Variants in CACNA1B observed in about 807,000 individuals in gnomAD.
The protein encoded by CACNA1B is voltage-dependent N-type calcium channel subunit alpha-1B.
In CACNA1B, 70 loss-of-function variants were observed where a neutral mutation model predicts 247.2. That is an observed-to-expected ratio of 0.28 (90% CI 0.23 to 0.35). The LOEUF is 0.35. Ranked by LOEUF, CACNA1B falls within the 10% of genes least tolerant of loss-of-function variation. The pLI, the probability that CACNA1B is intolerant of heterozygous loss-of-function variation, is 1.00. For synonymous variants in CACNA1B, 1,231 were observed against 1,294.4 expected (o/e 0.95, Z 1.05); for missense variants, 2,367 against 3,197.4 (o/e 0.74, Z 6.26).
chr9:138,022,334 C>T lies in CACNA1B; in HGVS notation c.2268-677C>T, dbSNP rs1300269833. 5.3e-5 allele frequency among the ~76,000 whole-genome samples: 8 copies of T among 152,172 alleles called. No individual in the cohort carries two copies. In the South Asian group the frequency reaches 1.5e-3, roughly 28 times the overall value. On this transcript the variant is annotated intron_variant, in intron 18 of 46. Coordinates refer to ENST00000371372, the MANE Select transcript of CACNA1B (RefSeq NM_000718.4). ...TGGTCACTGAGCCAGGGGGCAGCTG[C>T]GGGGCTGCGGCTGACCACCTCGGGG...
intron 15 of CACNA1B, among the ~76,000 whole-genome samples, chr9:137,995,676 TATA>T (rs1358174443): frequency 6.6e-6 from 1 of 152,076 alleles, no homozygotes; most frequent in Non-Finnish European, 1.5e-5. Context: ...CAAAGATAAA[TATA>T]TGAGACTTAA....
chr9:137,994,386 C>T (rs1329741902), intron 15 of CACNA1B, among the ~76,000 whole-genome samples: 3 of 152,158 alleles, frequency 2.0e-5, no homozygotes, highest in South Asian at 2.1e-4. Flanking sequence ...GCATCCAAAT[C>T]GGTAAAGAGG....
chr9:137,892,343 G>A (rs767849870), intron 3 of CACNA1B: 14 of 456,638 alleles, frequency 3.1e-5, no homozygotes, highest in African/African-American at 1.2e-4. Context: ...TGTGGTGGGC[G>A]GTGCTGATCC....
intron 3 of CACNA1B, among the ~76,000 whole-genome samples, chr9:137,910,821 C>T (rs934641272): frequency 6.6e-6 from 1 of 152,188 alleles, no homozygotes; most frequent in Non-Finnish European, 1.5e-5. Flanking sequence ...GGCCACAGAA[C>T]AGTACTGGTC....
intron 36 of CACNA1B, among the ~76,000 whole-genome samples, chr9:138,081,727 A>C (rs532776754): frequency 6.6e-6 from 1 of 151,330 alleles, no homozygotes; most frequent in South Asian, 2.1e-4. Context: ...GGAGGTCTAG[A>C]GATGTTAAAT....
intron 12 of CACNA1B, among the ~76,000 whole-genome samples, chr9:137,977,453 A>G (rs1391599459): frequency 7.8e-6 from 1 of 127,998 alleles, no homozygotes; most frequent in Admixed American, 7.7e-5. Context: ...AGGGCAGGGC[A>G]GGGCAGTCTG....
At chr9:138,031,959 T>C (rs1320375521) in intron 20 of CACNA1B, among the ~76,000 whole-genome samples, 1 of 152,198 alleles carries the variant, frequency 6.6e-6, no homozygotes, top group African/African-American at 2.4e-5. Context: ...AATTCTGTCT[T>C]TTATTTTGCA....
chr9:138,096,021 G>A (rs949672175), intron 36 of CACNA1B, among the ~76,000 whole-genome samples: 1 of 152,198 alleles, frequency 6.6e-6, no homozygotes, highest in East Asian at 1.9e-4. Context: ...GTTTTGAAAC[G>A]AGAGAGATGG....
At chr9:138,017,180 C>G (rs775834578) in intron 18 of CACNA1B, 1 of 519,100 alleles carries the variant, frequency 1.9e-6, no homozygotes, top group South Asian at 1.4e-5. Context: ...CGCAGCTCAT[C>G]TGTCTCCAGC....
chr9:137,976,258 C>T (rs545995855), intron 12 of CACNA1B, among the ~76,000 whole-genome samples: 10 of 152,378 alleles, frequency 6.6e-5, no homozygotes, highest in South Asian at 2.1e-4. Flanking sequence ...ACCCTTCCCT[C>T]TTCTGATCCT....
chr9:138,097,237 G>A (rs572506263), intron 37 of CACNA1B, among the ~76,000 whole-genome samples: 4 of 152,186 alleles, frequency 2.6e-5, no homozygotes, highest in Admixed American at 6.5e-5. Context: ...ATCTGTCATC[G>A]TGGGAAAGGT....
chr9:138,115,269 CTG>C (rs763601382), intron 41 of CACNA1B, among the ~76,000 whole-genome samples: 1 of 152,174 alleles, frequency 6.6e-6, no homozygotes, highest in Non-Finnish European at 1.5e-5. Context: ...GACAGGGAAA[CTG>C]AGGTTTTGAG....
chr9:138,078,807 G>A (rs1960416418), intron 36 of CACNA1B, among the ~76,000 whole-genome samples: 1 of 152,186 alleles, frequency 6.6e-6, no homozygotes, highest in Non-Finnish European at 1.5e-5. Context: ...AGGGAGTGAG[G>A]TGGGATTAGG....
chr9:137,913,384 AC>A lies in CACNA1B; in HGVS notation c.622+114del, dbSNP rs2133277687. 1 of 769,108 alleles carries A rather than the reference AC, an allele frequency of 1.3e-6. No homozygotes were observed. The highest frequency in any genetic ancestry group is 1.7e-5 in the African/African-American group (1 of 57,366). 47.6% of individuals were successfully genotyped at this position (769,108 alleles called of 1,614,324 possible). ...TGGCTTTGGTGACTCTGAGCTTGCCACTTTTGACCCCAGGGAACCAGGCAGG... is the reference window on the plus strand; with the variant it reads ...TGGCTTTGGTGACTCTGAGCTTGCCATTTTGACCCCAGGGAACCAGGCAGG... On this transcript the variant is annotated intron_variant, in intron 4 of 46. Transcript: ENST00000371372. The surrounding 1 kb of genome is among the most constrained non-coding windows in gnomAD (Gnocchi z 5.2).
chr9:137,958,030 G>A lies in CACNA1B; in HGVS notation c.1333+343G>A, dbSNP rs548791802. 2.1e-3 allele frequency among the ~76,000 whole-genome samples: 313 copies of A among 152,240 alleles called. 1 individual carries two copies. Among genetic ancestry groups the A allele is most frequent in the Non-Finnish European group, 3.9e-3 (266 of 68,030 alleles). ...TTAATTTATCCAACAGAGCTGTGTC[G>A]GTTCCCTTCCTCTCTATCTGGTACC... On this transcript the variant is annotated intron_variant, in intron 10 of 46. Transcript: ENST00000371372.
chr9:138,010,804 T>C lies in CACNA1B; in HGVS notation c.2160+727T>C, dbSNP rs1958714416. The stretch of plus-strand genomic sequence containing the variant: ...GCATGCACCTGTGCATGTCTAGGGG[T>C]CTGACACAGTTCTGTCACTCCAGTC... On this transcript the variant is annotated intron_variant, in intron 17 of 46. Coordinates refer to ENST00000371372, the MANE Select transcript of CACNA1B (RefSeq NM_000718.4). The surrounding 1 kb of genome is among the most constrained non-coding windows in gnomAD (Gnocchi z 5.3). Among the ~76,000 whole-genome samples, 1 of 152,280 alleles carries C rather than the reference T, an allele frequency of 6.6e-6. No homozygotes were observed. The highest frequency in any genetic ancestry group is 2.1e-4 in the South Asian group (1 of 4,822).
rs141124146 is a variant in CACNA1B, at chr9:137,968,149, G to A, written c.1334-3234G>A. Among the ~76,000 whole-genome samples the A allele has an allele frequency of 7.2e-3, 1,099 of 152,270 alleles. 11 individuals are homozygous for A. Among genetic ancestry groups the A allele is most frequent in the African/African-American group, 0.025 (1,054 of 41,544 alleles). On this transcript the variant is annotated intron_variant, in intron 10 of 46. Transcript: ENST00000371372. ...TCCTTCTGGGTACCCAGCAGACACC[G>A]AGGATTCACTTACATTCAGGACCCA...
chr9:137,892,677 G>A lies in CACNA1B; in HGVS notation c.530+9794G>A, dbSNP rs184525827. 5.0e-4 allele frequency: 163 copies of A among 325,640 alleles called. 1 individual carries two copies. The highest frequency in any genetic ancestry group is 9.1e-4 in the Admixed American group (21 of 23,000). The allele number at this position is 325,640 out of a possible 1,614,324, so 20.2% of individuals were successfully genotyped here. A position where few individuals can be genotyped will look rare whatever the true frequency, so the allele number is the denominator to read the frequency against. On this transcript the variant is annotated intron_variant, in intron 3 of 46. Coordinates refer to ENST00000371372, the MANE Select transcript of CACNA1B (RefSeq NM_000718.4). ...GTCCCCCAGCACAGGGCAGCCTCCCGTCCAAGGGTGGGGGCTCCTGAGCAC... is the reference window on the plus strand; with the variant it reads ...GTCCCCCAGCACAGGGCAGCCTCCCATCCAAGGGTGGGGGCTCCTGAGCAC...
intron 12 of CACNA1B, among the ~76,000 whole-genome samples, chr9:137,981,840 A>G (rs1480577064): frequency 6.6e-6 from 1 of 152,212 alleles, no homozygotes; most frequent in Non-Finnish European, 1.5e-5. Flanking sequence ...CCAGCACACA[A>G]CAGGACCCCT....
Sources: allele counts gnomAD v4.1 joint callset (sites outside exome capture counted in the v4.1 genomes callset), GRCh38; gene constraint gnomAD v4.1.1; non-coding constraint Gnocchi (gnomAD v3.1); transcripts MANE v1.5; gene names NCBI Gene and HGNC (gene_info 2026-07-23, HGNC 2026-07-21).